Variants in GTF3A observed in about 807,000 individuals in gnomAD.
The protein encoded by GTF3A is transcription factor IIIA.
In GTF3A, 40 loss-of-function variants were observed where a neutral mutation model predicts 37.6. The ratio of observed to expected loss-of-function variants is 1.06; its 90% CI spans 0.83 to 1.38. The LOEUF is 1.38. Among genes scored for constraint, GTF3A ranks in the 40% most tolerant of loss-of-function variants. The probability of loss-of-function intolerance (pLI) is 0.00; values close to 1 mark genes in which losing one functional copy is unlikely to be tolerated. For missense variants in GTF3A, 500 were observed against 462.6 expected (o/e 1.08, Z -0.74); for synonymous variants, 191 against 166.7 (o/e 1.15, Z -1.12).
At position 27,427,074 on chromosome 13, in the gene GTF3A, TTTC is replaced by T. The variant is rs1376792555; in HGVS notation, c.202-15_202-13del. 1.5e-6 allele frequency: 2 copies of T among 1,350,694 alleles called. No homozygotes were observed. The highest frequency in any genetic ancestry group is 3.4e-5 in the Admixed American group (2 of 58,230). 83.7% of individuals were successfully genotyped at this position (1,350,694 alleles called of 1,614,324 possible). ...TAACTAGTGCAGAAGTGACATGCTT[TTTC>T]TTTTTTCCTGCTAGAGACCATTTGT... is the stretch of plus-strand genomic sequence containing the variant. On this transcript the variant is annotated splice_polypyrimidine_tract_variant and intron_variant, in intron 1 of 8. Coordinates refer to ENST00000381140, the MANE Select transcript of GTF3A (RefSeq NM_002097.3).
At chr13:27,427,025 G>A (rs1593177479) in intron 1 of GTF3A, 67 bp from the exon 2 acceptor site, 1 of 838,610 alleles carries the variant, frequency 1.2e-6, no homozygotes, top group African/African-American at 1.7e-5. Flanking sequence ...GGCAGTTTAA[G>A]CTTTTAAATA....
chr13:27,432,747 T>A lies in GTF3A; in HGVS notation c.505T>A (p.Cys169Ser). ...CCAATGCAGGTGTACCCAGGAAGGA[T>A]GTGGGAAACACTTTGCATCACCCAG... Residue 169 changes from cysteine to serine, a missense_variant, in exon 5 of 9, where the codon TGT (cysteine) becomes AGT (serine). Coordinates refer to ENST00000381140, the MANE Select transcript of GTF3A (RefSeq NM_002097.3). The A allele has an allele frequency of 6.2e-7, 1 of 1,605,878 alleles. No homozygotes were observed. Among genetic ancestry groups the A allele is most frequent in the Admixed American group, 1.7e-5 (1 of 58,866 alleles).
At chr13:27,429,759 G>C in intron 2 of GTF3A, 111 bp from the exon 3 acceptor site, 1 of 580,740 alleles carries the variant, frequency 1.7e-6, no homozygotes, top group Non-Finnish European at 3.0e-6. Flanking sequence ...CTATTTTATA[G>C]TATTACTATT....
In GTF3A at chr13:27,435,169, G is replaced by T; in HGVS notation, c.910G>T (p.Asp304Tyr). Residue 304 changes from aspartate (D) to tyrosine (Y), a missense_variant, in exon 8 of 9, where the codon GAC (aspartate) becomes TAC (tyrosine). Coordinates refer to ENST00000381140, the MANE Select transcript of GTF3A (RefSeq NM_002097.3). Reference sequence around the variant, plus strand: ...TAGGCATGCTGTTGTACATGATCCTGACAAGAAGAAAATGAAGCTCAAAGT... The same window carrying T: ...TAGGCATGCTGTTGTACATGATCCTTACAAGAAGAAAATGAAGCTCAAAGT... 6.3e-7 allele frequency: 1 copy of T among 1,598,990 alleles called. No individual in the cohort carries two copies. The highest frequency in any genetic ancestry group is 8.5e-7 in the Non-Finnish European group (1 of 1,176,106).
intron 6 of GTF3A, chr13:27,434,567 C>G (rs1953691268): frequency 3.5e-6 from 2 of 565,960 alleles, no homozygotes; most frequent in South Asian, 4.8e-5. Flanking sequence ...CCACAGTCAC[C>G]TTCCTGAGAG....
chr13:27,426,692 C>T (rs1181228011), intron 1 of GTF3A, among the ~76,000 whole-genome samples: 1 of 152,200 alleles, frequency 6.6e-6, no homozygotes, highest in Non-Finnish European at 1.5e-5. Flanking sequence ...ACAGGCCTCC[C>T]TCGTTCCTCT....
At chr13:27,430,060 C>CT in intron 3 of GTF3A, 94 bp downstream of exon 3, 2 of 587,100 alleles carry the variant, frequency 3.4e-6, no homozygotes, top group Non-Finnish European at 5.7e-6. Context: ...TGGCTCAAGC[C>CT]TATAATCGTA....
In GTF3A at chr13:27,424,815, C is replaced by T. The variant is rs1346785697; in HGVS notation, c.78C>T (p.Ser26=). The T allele has an allele frequency of 1.3e-6, 2 of 1,549,864 alleles. No individual in the cohort carries two copies. Among genetic ancestry groups the T allele is most frequent in the East Asian group, 4.9e-5 (2 of 40,724 alleles). ...ACGCGTTCATTGCAGCCGGCGAGAG[C>T]TCAGCTCCGACCCCGCCGCGCCCCG... The change falls in exon 1 of 9, where the codon AGC becomes AGT. Residue 26 remains serine (S), a synonymous_variant. Coordinates refer to ENST00000381140, the MANE Select transcript of GTF3A (RefSeq NM_002097.3).
Position 27,434,953 on chromosome 13 carries a change from A to G in GTF3A, c.792A>G (p.Gln264=). 5 of 1,611,438 alleles carry G rather than the reference A, an allele frequency of 3.1e-6. No homozygotes were observed. Among genetic ancestry groups the G allele is most frequent in the Middle Eastern group, 1.6e-4 (1 of 6,062 alleles). The change falls in exon 7 of 9, where the codon CAA becomes CAG. Residue 264 remains glutamine, a synonymous_variant. Transcript: ENST00000381140. ...CCTATACAACTGTGTTTAATCTCCA[A>G]AGCCATATCCTCTCCTTCCATGAGG...
chr13:27,425,522 TAGAG>T (rs530326687), intron 1 of GTF3A: 12 of 152,448 alleles, frequency 7.9e-5, no homozygotes, highest in African/African-American at 1.7e-4. Flanking sequence ...TTGTGCTAGG[TAGAG>T]AGAACACAAA....
chr13:27,434,987 C>G lies in GTF3A; in HGVS notation c.826C>G (p.Pro276Ala). The G allele has an allele frequency of 6.2e-7, 1 of 1,611,934 alleles. No homozygotes were observed. The highest frequency in any genetic ancestry group is 8.5e-7 in the Non-Finnish European group (1 of 1,178,046). The change falls in exon 7 of 9, where the codon CCT becomes GCT. Residue 276 changes from proline (P) to alanine (A), a missense_variant. By Grantham distance (27) the Pro-to-Ala change is conservative. Transcript: ENST00000381140. ...CCTCTCCTTCCATGAGGAAAGCCGCCCTTTTGTGTGTGAACATGCTGGCTG... is the reference window on the plus strand; with the variant it reads ...CCTCTCCTTCCATGAGGAAAGCCGCGCTTTTGTGTGTGAACATGCTGGCTG...
intron 6 of GTF3A, 58 bp downstream of exon 6, chr13:27,434,277 T>C (rs972634921): frequency 2.2e-5 from 17 of 790,668 alleles, no homozygotes; most frequent in Non-Finnish European, 3.5e-5. Flanking sequence ...AGAACTGATT[T>C]AGTGCTTTTC....
At position 27,435,454 on chromosome 13, in the gene GTF3A, C is replaced by T. The variant is rs1047109093; in HGVS notation, c.955C>T (p.Arg319Trp). 6.2e-6 allele frequency: 10 copies of T among 1,612,522 alleles called. No homozygotes were observed. The highest frequency in any genetic ancestry group is 2.2e-5 in the East Asian group (1 of 44,884). Reference sequence around the variant, plus strand: ...AAAGGTCAAAAAATCTCGTGAAAAACGGAGTTTGGCCTCTCATCTCAGTGG... The same window carrying T: ...AAAGGTCAAAAAATCTCGTGAAAAATGGAGTTTGGCCTCTCATCTCAGTGG... Residue 319 changes from arginine (R) to tryptophan (W), a missense_variant, in exon 9 of 9, where the codon CGG (arginine) becomes TGG (tryptophan). By Grantham distance (101) the Arg-to-Trp change is moderately radical. Transcript: ENST00000381140.
chr13:27,433,284 A>G (rs1953674013), intron 5 of GTF3A, among the ~76,000 whole-genome samples: 1 of 150,086 alleles, frequency 6.7e-6, no homozygotes, highest in Non-Finnish European at 1.5e-5. Flanking sequence ...ATTTTTGCTA[A>G]TCTGTATTTC....
At chr13:27,432,575 T>C (rs535139837) in intron 4 of GTF3A, among the ~76,000 whole-genome samples, 156 bp from the exon 5 acceptor site, 53 of 152,322 alleles carry the variant, frequency 3.5e-4, no homozygotes, top group South Asian at 6.2e-4. Context: ...TCAAGTAACT[T>C]GAATCTCACC....
intron 6 of GTF3A, 73 bp downstream of exon 6, chr13:27,434,292 G>C (rs1430049640): frequency 1.8e-5 from 14 of 769,684 alleles, no homozygotes; most frequent in Non-Finnish European, 3.1e-5. Context: ...CTTTTCAAGA[G>C]TGAAATGCTG....
At chr13:27,432,954 G>GGCACT (rs1953670807) in intron 5 of GTF3A, 150 bp downstream of exon 5, 1 of 657,916 alleles carries the variant, frequency 1.5e-6, no homozygotes, top group Non-Finnish European at 2.8e-6. Flanking sequence ...TGTCCAAAGA[G>GGCACT]GCACTGTATA....
chr13:27,435,167 C>T lies in GTF3A; in HGVS notation c.908C>T (p.Pro303Leu). The T allele has an allele frequency of 6.2e-7, 1 of 1,600,148 alleles. No individual in the cohort carries two copies. The highest frequency in any genetic ancestry group is 1.4e-5 in the African/African-American group (1 of 74,066). ...ACTAGGCATGCTGTTGTACATGATC[C>T]TGACAAGAAGAAAATGAAGCTCAAA... Residue 303 changes from proline (P) to leucine (L), a missense_variant, in exon 8 of 9, where the codon CCT (proline) becomes CTT (leucine). Coordinates refer to ENST00000381140, the MANE Select transcript of GTF3A (RefSeq NM_002097.3).
At position 27,435,656 on chromosome 13, in the gene GTF3A, A is replaced by C. The variant is rs1468331373; in HGVS notation, c.*59A>C. On this transcript the variant is annotated 3_prime_UTR_variant, in exon 9 of 9. Coordinates refer to ENST00000381140, the MANE Select transcript of GTF3A (RefSeq NM_002097.3). ...CAAGGAGCGAGCTTTCTCTCAGAGC[A>C]TGCTTTTCTTTATTAAAATTACTGA... is the stretch of plus-strand genomic sequence containing the variant. 3 of 1,612,776 alleles carry C rather than the reference A, an allele frequency of 1.9e-6. No homozygotes were observed. The highest frequency in any genetic ancestry group is 1.7e-6 in the Non-Finnish European group (2 of 1,179,046).
Sources: allele counts gnomAD v4.1 joint callset (sites outside exome capture counted in the v4.1 genomes callset), GRCh38; gene constraint gnomAD v4.1.1; transcripts MANE v1.5; gene names NCBI Gene and HGNC (gene_info 2026-07-23, HGNC 2026-07-21).